PRKAR2B: variants seen among roughly 807,000 people sequenced by gnomAD.
PRKAR2B encodes the protein cAMP-dependent protein kinase type II-beta regulatory subunit.
In PRKAR2B, 14 loss-of-function variants were observed where a neutral mutation model predicts 49.9. That is an observed-to-expected ratio of 0.28 (90% confidence interval 0.19 to 0.44). PRKAR2B has a LOEUF of 0.44. Among genes scored for constraint, PRKAR2B ranks in the 20% least tolerant of loss-of-function variants. PRKAR2B has a pLI of 1.00. For missense variants in PRKAR2B, 393 were observed against 537.9 expected (o/e 0.73, Z 2.67); for synonymous variants, 196 against 197.7 (o/e 0.99, Z 0.07).
intron 6 of PRKAR2B, among the ~76,000 whole-genome samples, chr7:107,149,221 C>T (rs1021019612): frequency 6.6e-6 from 1 of 152,048 alleles, no homozygotes; most frequent in Non-Finnish European, 1.5e-5. Flanking sequence ...AATATTTGTG[C>T]TAATTATCTT....
intron 1 of PRKAR2B, among the ~76,000 whole-genome samples, chr7:107,057,670 A>G (rs962718179): frequency 2.6e-5 from 4 of 152,144 alleles, no homozygotes; most frequent in African/African-American, 7.2e-5. Flanking sequence ...TTCCTCATCT[A>G]TGAAATGGGA....
At chr7:107,109,215 G>T (rs1795129471) in intron 2 of PRKAR2B, among the ~76,000 whole-genome samples, 1 of 152,050 alleles carries the variant, frequency 6.6e-6, no homozygotes, top group South Asian at 2.1e-4. Context: ...AGTCCTAGCT[G>T]GTTTGGGCTG....
At chr7:107,122,584 G>A (rs773527976) in intron 3 of PRKAR2B, among the ~76,000 whole-genome samples, 3 of 152,160 alleles carry the variant, frequency 2.0e-5, no homozygotes, top group Non-Finnish European at 4.4e-5. Context: ...AGATGACTAT[G>A]CCTGGAAATG....
chr7:107,045,460 AC>A (rs1793670790), intron 1 of PRKAR2B, among the ~76,000 whole-genome samples: 1 of 151,992 alleles, frequency 6.6e-6, no homozygotes, highest in South Asian at 2.1e-4. Flanking sequence ...CTGGGATGTT[AC>A]GCTTCCCTCT....
chr7:107,153,032 C>T, intron 7 of PRKAR2B, 145 bp from the exon 8 acceptor site: 1 of 412,562 alleles, frequency 2.4e-6, no homozygotes, highest in South Asian at 9.6e-5. Flanking sequence ...AAAATGCTGG[C>T]TGGTAATTAA....
chr7:107,133,562 G>A (rs1450953779), intron 4 of PRKAR2B: 3 of 152,122 alleles, frequency 2.0e-5, no homozygotes, highest in African/African-American at 7.2e-5. Flanking sequence ...TCCCTGTGGG[G>A]CCAATTAGCA....
chr7:107,106,842 G>C (rs1258559755), intron 2 of PRKAR2B, among the ~76,000 whole-genome samples: 1 of 152,020 alleles, frequency 6.6e-6, no homozygotes, highest in Non-Finnish European at 1.5e-5. Flanking sequence ...TCTAGGTGGA[G>C]TGGCTAGAAG....
intron 9 of PRKAR2B, 32 bp downstream of exon 9, chr7:107,157,081 CT>C (rs1218628567): frequency 7.5e-6 from 12 of 1,607,218 alleles, no homozygotes; most frequent in Non-Finnish European, 1.0e-5. Flanking sequence ...AACCCACATA[CT>C]GTTAGCAAGG....
At chr7:107,111,889 A>T (rs945787577) in intron 2 of PRKAR2B, among the ~76,000 whole-genome samples, 1 of 150,820 alleles carries the variant, frequency 6.6e-6, no homozygotes, top group African/African-American at 2.4e-5. Flanking sequence ...CATCCTGGCC[A>T]GGTGAGGTGG....
At chr7:107,092,056 C>T (rs1350850598) in intron 2 of PRKAR2B, among the ~76,000 whole-genome samples, 1 of 151,914 alleles carries the variant, frequency 6.6e-6, no homozygotes, top group African/African-American at 2.4e-5. Flanking sequence ...TTCAGCAAAC[C>T]ATGTAAGTTA....
intron 1 of PRKAR2B, among the ~76,000 whole-genome samples, chr7:107,069,197 A>G (rs1273038745): frequency 6.6e-6 from 1 of 152,110 alleles, no homozygotes; most frequent in African/African-American, 2.4e-5. Context: ...TGGCCTCCCA[A>G]AGTGTTGGGA....
intron 3 of PRKAR2B, among the ~76,000 whole-genome samples, chr7:107,124,666 C>T (rs1347924930): frequency 6.6e-6 from 1 of 152,218 alleles, no homozygotes; most frequent in African/African-American, 2.4e-5. Flanking sequence ...GTGATCCACT[C>T]ACCTTGGCCT....
chr7:107,148,641 C>T (rs1316294624), intron 6 of PRKAR2B, among the ~76,000 whole-genome samples: 1 of 152,118 alleles, frequency 6.6e-6, no homozygotes, highest in Non-Finnish European at 1.5e-5. Context: ...ATAATAACTC[C>T]TTCTCAGGGA....
chr7:107,154,003 A>C (rs1010482144), intron 8 of PRKAR2B, among the ~76,000 whole-genome samples: 2 of 152,164 alleles, frequency 1.3e-5, no homozygotes, highest in Admixed American at 1.3e-4. Context: ...GGTCTTTGAG[A>C]CTGAGAAAAA....
intron 2 of PRKAR2B, among the ~76,000 whole-genome samples, chr7:107,084,420 C>T (rs934938409): frequency 1.3e-5 from 2 of 151,892 alleles, no homozygotes; most frequent in African/African-American, 4.8e-5. Context: ...TTGTTGCCAA[C>T]CATATTAGTG....
At chr7:107,099,463 C>T (rs919181005) in intron 2 of PRKAR2B, among the ~76,000 whole-genome samples, 1 of 152,142 alleles carries the variant, frequency 6.6e-6, no homozygotes, top group African/African-American at 2.4e-5. Flanking sequence ...CCTTGTGCTT[C>T]CCAGTTGAGG....
chr7:107,065,657 T>C (rs1456432148), intron 1 of PRKAR2B, among the ~76,000 whole-genome samples: 2 of 152,148 alleles, frequency 1.3e-5, no homozygotes, highest in Non-Finnish European at 2.9e-5. Flanking sequence ...ACAATTCCAG[T>C]GCCCAGCATC....
intron 1 of PRKAR2B, among the ~76,000 whole-genome samples, chr7:107,049,435 C>T (rs1019257931): frequency 3.9e-5 from 6 of 152,168 alleles, no homozygotes; most frequent in African/African-American, 1.4e-4. Context: ...TAGAAATTTA[C>T]CATGTAATAA....
Position 107,047,134 on chromosome 7 carries a change from C to T in PRKAR2B, c.307+1920C>T, listed in dbSNP as rs1318139012. Among the ~76,000 whole-genome samples the T allele has an allele frequency of 2.0e-5, 3 of 152,138 alleles. No homozygotes were observed. The East Asian group carries it at 5.8e-4, about 29-fold the overall frequency. On this transcript the variant is annotated intron_variant, in intron 1 of 10. Coordinates refer to ENST00000265717, the MANE Select transcript of PRKAR2B (RefSeq NM_002736.3). ...TTGCACTATTTACTCCCTAGCCTCA[C>T]CCCCAAGGACTTTAAAACTTTTTGA...
Sources: gnomAD v4.1 joint callset for allele counts (sites outside exome capture counted in the v4.1 genomes callset) on GRCh38, gnomAD v4.1.1 for gene constraint, MANE v1.5 for transcripts, NCBI Gene and HGNC (gene_info 2026-07-23, HGNC 2026-07-21) for gene names.